PARP10: variants seen among roughly 807,000 people sequenced by gnomAD.
The protein encoded by PARP10 is protein mono-ADP-ribosyltransferase PARP10.
PARP10 carries 56 observed loss-of-function variants against 82.4 expected under a neutral mutation model. That is an observed-to-expected ratio of 0.68 (90% CI 0.55 to 0.85). The LOEUF is 0.85. Ranked by LOEUF, PARP10 falls within the 40% of genes least tolerant of loss-of-function variation. PARP10 has a pLI of 0.00. For synonymous variants in PARP10, 576 were observed against 601.1 expected (o/e 0.96, Z 0.61); for missense variants, 1,227 against 1,379.4 (o/e 0.89, Z 1.75).
chr8:143,986,221 C>T lies in PARP10; in HGVS notation c.15G>A (p.Ala5=), dbSNP rs782584167. The T allele has an allele frequency of 1.1e-5, 18 of 1,613,904 alleles. No individual in the cohort carries two copies. The Admixed American group carries it at 1.2e-4, about 10-fold the overall frequency. Residue 5 remains alanine, a synonymous_variant, in exon 2 of 11, where the codon GCG becomes GCA. Transcript: ENST00000313028. ...CCACTGCCACCCCTGCCTCTGCCTC[C>T]GCCATTGCAACCCTGGGACGGGGCA... is the stretch of plus-strand genomic sequence containing the variant. MVAM[A]EAEAGVAVEV... is the part of the protein sequence containing the mutation.
chr8:143,981,302 GGT>G (rs1833843381), intron 9 of PARP10, among the ~76,000 whole-genome samples: 2 of 149,780 alleles, frequency 1.3e-5, no homozygotes, highest in African/African-American at 2.4e-5. Context: ...CGGTGGTGGT[GGT>G]AGTGGTGGTG....
chr8:143,987,728 T>A (rs534792462), upstream of PARP10, among the ~76,000 whole-genome samples: 2 of 152,204 alleles, frequency 1.3e-5, no homozygotes, highest in South Asian at 4.2e-4. Flanking sequence ...CTGTCTCTAC[T>A]AAAAATATAA....
At chr8:143,992,435 C>T, upstream of PARP10, 1 of 1,613,732 alleles carries the variant, frequency 6.2e-7, no homozygotes, top group East Asian at 2.2e-5. Context: ...CCAGGCCCAG[C>T]CCCATGGCCC....
intron 1 of PARP10, among the ~76,000 whole-genome samples, chr8:144,010,325 T>C (rs11136252): frequency 0.44 from 67,504 of 152,106 alleles, 16,063 homozygotes; most frequent in African/African-American, 0.6. Flanking sequence ...ATTCCTAACA[T>C]AATGCCTGCC....
chr8:144,012,681 G>T, exon 1 of PARP10: 2 of 1,551,700 alleles, frequency 1.3e-6, no homozygotes, highest in Non-Finnish European at 1.7e-6. Flanking sequence ...GTTCACGAGT[G>T]GGCTTGGTGA....
In PARP10 at chr8:143,977,499, G is replaced by A; in HGVS notation, c.3063C>T (p.Arg1021=). The A allele has an allele frequency of 6.4e-7, 1 of 1,550,622 alleles. No homozygotes were observed. The highest frequency in any genetic ancestry group is 8.7e-7 in the Non-Finnish European group (1 of 1,146,952). The change falls in exon 11 of 11, where the codon CGC becomes CGT. Residue 1021 remains arginine (R), a synonymous_variant. Coordinates refer to ENST00000313028, the MANE Select transcript of PARP10 (RefSeq NM_032789.5). ...SPDDPSGLPG[R]SPDT ...GCCCCTTCGGTTAAGTGTCTGGGGA[G>A]CGGCCCGGGAGCCCAGAGGGGTCGT...
upstream of PARP10, chr8:143,991,133 C>A (rs1834085344): frequency 8.4e-6 from 7 of 836,608 alleles, no homozygotes; most frequent in Non-Finnish European, 1.3e-5. Flanking sequence ...GGTGGAGTTG[C>A]GCAGGGCTGG....
At chr8:143,987,651 G>A (rs1200651115), upstream of PARP10, among the ~76,000 whole-genome samples, 2 of 152,196 alleles carry the variant, frequency 1.3e-5, no homozygotes, top group Admixed American at 1.3e-4. Flanking sequence ...CCAGCACTTT[G>A]GGAGACTGAG....
chr8:144,007,897 G>C (rs1244652379), intron 1 of PARP10, among the ~76,000 whole-genome samples: 1 of 152,214 alleles, frequency 6.6e-6, no homozygotes, highest in Admixed American at 6.5e-5. Context: ...ACCTGCCTCG[G>C]GGGCTTGTTA....
At chr8:143,994,211 T>C (rs1834144175), upstream of PARP10, among the ~76,000 whole-genome samples, 1 of 152,174 alleles carries the variant, frequency 6.6e-6, no homozygotes, top group Non-Finnish European at 1.5e-5. Context: ...AGCACCTCTG[T>C]GTACGAAGCC....
At chr8:143,992,405 G>A (rs370417876), upstream of PARP10, 296 of 1,610,616 alleles carry the variant, frequency 1.8e-4, no homozygotes, top group African/African-American at 2.1e-3. Context: ...GGCTGTGGCC[G>A]CAGGGGCTGA....
At chr8:143,998,636 A>G (rs770339595) in intron 1 of PARP10, among the ~76,000 whole-genome samples, 3 of 152,180 alleles carry the variant, frequency 2.0e-5, no homozygotes, top group Non-Finnish European at 4.4e-5. Context: ...ACTGGAAGAA[A>G]ATGTGGAGAA....
chr8:143,992,047 G>C, upstream of PARP10: 2 of 1,613,908 alleles, frequency 1.2e-6, no homozygotes, highest in Non-Finnish European at 1.7e-6. Context: ...GGGGACTTCC[G>C]GCGAAAGCAC....
rs782412021 is a variant in PARP10 at position 143,986,018 on chromosome 8, A to G, written c.181+37T>C. 5 of 1,606,706 alleles carry G rather than the reference A, an allele frequency of 3.1e-6. No homozygotes were observed. The South Asian group carries it at 5.5e-5, about 18-fold the overall frequency. ...GCAGGATGTCAGGCATTAGAATATC[A>G]GGGCACCCAGGCTGTCCCTTCAGCC... On this transcript the variant is annotated intron_variant, in intron 2 of 10. Coordinates refer to ENST00000313028, the MANE Select transcript of PARP10 (RefSeq NM_032789.5).
intron 1 of PARP10, among the ~76,000 whole-genome samples, chr8:143,999,422 T>A (rs947168559): frequency 1.6e-4 from 25 of 152,144 alleles, no homozygotes; most frequent in African/African-American, 4.8e-4. Flanking sequence ...CAGGTTGGTG[T>A]TGAACTGCTG....
chr8:144,003,194 G>A (rs555585110), intron 1 of PARP10, among the ~76,000 whole-genome samples: 3 of 152,110 alleles, frequency 2.0e-5, no homozygotes, highest in African/African-American at 4.8e-5. Context: ...AGGCCAAGGC[G>A]GGTGGATCAC....
chr8:143,997,408 C>T (rs900853879), intron 1 of PARP10, among the ~76,000 whole-genome samples: 5 of 152,068 alleles, frequency 3.3e-5, no homozygotes, highest in Non-Finnish European at 5.9e-5. Context: ...TGGGAGGACT[C>T]GAGTACCAAG....
At position 144,008,880 on chromosome 8, in the gene PARP10, C is replaced by T. The variant is rs932223184; in HGVS notation, c.-80+3650G>A. Reference sequence around the variant, plus strand: ...ACATAACAAAAAGAAAAAGAAAATGCGAATGAAGAGGAAATAAAAGTAGGG... The same window carrying T: ...ACATAACAAAAAGAAAAAGAAAATGTGAATGAAGAGGAAATAAAAGTAGGG... On this transcript the variant is annotated intron_variant, in intron 1 of 3. Transcript: ENST00000530478. This position sits in a 1 kb window ranked among gnomAD's most constrained non-coding sequence, Gnocchi z 4.0. Among the ~76,000 whole-genome samples, 3 of 152,048 alleles carry T rather than the reference C, an allele frequency of 2.0e-5. No homozygotes were observed. Among genetic ancestry groups the T allele is most frequent in the Non-Finnish European group, 4.4e-5 (3 of 68,034 alleles).
At chr8:143,992,445 C>G (rs370903755), upstream of PARP10, 24 of 1,613,856 alleles carry the variant, frequency 1.5e-5, no homozygotes, top group Non-Finnish European at 1.8e-5. Context: ...CCCCATGGCC[C>G]GTTCCTCTCC....
Sources: allele counts gnomAD v4.1 joint callset (sites outside exome capture counted in the v4.1 genomes callset), GRCh38; gene constraint gnomAD v4.1.1; non-coding constraint Gnocchi (gnomAD v3.1); transcripts MANE v1.5; gene names NCBI Gene and HGNC (gene_info 2026-07-23, HGNC 2026-07-21).